KIAA1328: variants seen among roughly 807,000 people sequenced by gnomAD.
The protein encoded by KIAA1328 is KIAA1328.
In KIAA1328, 52 loss-of-function variants were observed where a neutral mutation model predicts 68.1. The ratio of observed to expected loss-of-function variants is 0.76; its 90% CI spans 0.61 to 0.96. The LOEUF (loss-of-function observed/expected upper bound fraction) is 0.96. Among genes scored for constraint, KIAA1328 ranks in the 40% least tolerant of loss-of-function variants. The pLI, the probability that KIAA1328 is intolerant of heterozygous loss-of-function variation, is 0.00. For synonymous variants in KIAA1328, 232 were observed against 239.4 expected (o/e 0.97, Z 0.28); for missense variants, 641 against 677.6 (o/e 0.95, Z 0.60).
intron 7 of KIAA1328, among the ~76,000 whole-genome samples, chr18:37,081,620 A>G (rs913557430): frequency 6.6e-6 from 1 of 152,192 alleles, no homozygotes; most frequent in African/African-American, 2.4e-5. Context: ...GTATTAGGTT[A>G]TGTTTATTCA....
At position 37,166,919 on chromosome 18, in the gene KIAA1328, A is replaced by G. The variant is rs186845344; in HGVS notation, c.1415-6054A>G. Among the ~76,000 whole-genome samples the G allele has an allele frequency of 3.3e-5, 5 of 152,348 alleles. No individual in the cohort carries two copies. In the East Asian group the frequency reaches 9.6e-4, roughly 29 times the overall value. On this transcript the variant is annotated intron_variant, in intron 8 of 9. Coordinates refer to ENST00000280020, the MANE Select transcript of KIAA1328 (RefSeq NM_020776.3). ...CCTATATAACAAGTAAAAAGATTGA[A>G]TCAGTAATCAAAACCTCCCAACAAA...
At chr18:36,918,120 C>G (rs764485588) in intron 5 of KIAA1328, among the ~76,000 whole-genome samples, 1 of 152,042 alleles carries the variant, frequency 6.6e-6, no homozygotes, top group Non-Finnish European at 1.5e-5. Flanking sequence ...TGTGTCATAT[C>G]TGTAGTAACA....
chr18:37,154,578 C>T (rs1415614014), intron 7 of KIAA1328, among the ~76,000 whole-genome samples: 1 of 152,132 alleles, frequency 6.6e-6, no homozygotes, highest in Non-Finnish European at 1.5e-5. Flanking sequence ...TCTGTGAGAT[C>T]CCAATATCCA....
chr18:37,058,631 G>A (rs973020730), intron 6 of KIAA1328, among the ~76,000 whole-genome samples: 4 of 151,998 alleles, frequency 2.6e-5, no homozygotes, highest in African/African-American at 4.8e-5. Context: ...AGAATTGCTT[G>A]AACCCAGGAG....
intron 6 of KIAA1328, among the ~76,000 whole-genome samples, chr18:36,960,260 G>T (rs1045787742): frequency 6.6e-6 from 1 of 152,218 alleles, no homozygotes; most frequent in South Asian, 2.1e-4. Context: ...AGGGGGAGGG[G>T]CGTCGACCAT....
At chr18:37,138,899 G>A (rs996175678) in intron 7 of KIAA1328, among the ~76,000 whole-genome samples, 37 of 150,764 alleles carry the variant, frequency 2.5e-4, no homozygotes, top group African/African-American at 8.3e-4. Flanking sequence ...GAGTTGGAAG[G>A]CAGAAAGATT....
At position 37,135,746 on chromosome 18, in the gene KIAA1328, A is replaced by G. The variant is rs992536995; in HGVS notation, c.1233-24454A>G. On this transcript the variant is annotated intron_variant, in intron 7 of 9. Coordinates refer to ENST00000280020, the MANE Select transcript of KIAA1328 (RefSeq NM_020776.3). ...ATTGCTTTTGAGGACTTAATCGTAA[A>G]TTATTTCCCAAGGCCGATGTCCAGA... Among the ~76,000 whole-genome samples, 7 of 152,132 alleles carry G rather than the reference A, an allele frequency of 4.6e-5. No individual in the cohort carries two copies. In the South Asian group the frequency reaches 1.4e-3, roughly 32 times the overall value.
intron 6 of KIAA1328, among the ~76,000 whole-genome samples, chr18:37,054,833 T>G (rs1186672838): frequency 6.6e-6 from 1 of 152,188 alleles, no homozygotes; most frequent in Admixed American, 6.5e-5. Context: ...ATTATGAGAT[T>G]TAGCCTTTTC....
chr18:36,833,143 A>T (rs901176149), intron 1 of KIAA1328: 1 of 152,202 alleles, frequency 6.6e-6, no homozygotes, highest in East Asian at 1.9e-4. Context: ...CACCTGGCCT[A>T]TGTTCAATGA....
chr18:36,907,222 G>C (rs1323488678), intron 5 of KIAA1328, among the ~76,000 whole-genome samples: 1 of 151,894 alleles, frequency 6.6e-6, no homozygotes, highest in Admixed American at 6.6e-5. Context: ...GAGCAATTGT[G>C]TTATCTGTAA....
intron 7 of KIAA1328, among the ~76,000 whole-genome samples, chr18:37,076,951 A>C (rs1335335392): frequency 6.6e-6 from 1 of 152,186 alleles, no homozygotes; most frequent in African/African-American, 2.4e-5. Flanking sequence ...TCCAATCAAT[A>C]GAAAAAGAAG....
intron 7 of KIAA1328, among the ~76,000 whole-genome samples, chr18:37,142,733 T>C (rs2058796273): frequency 1.3e-5 from 2 of 152,126 alleles, no homozygotes; most frequent in Admixed American, 1.3e-4. Flanking sequence ...TTATAGTAAA[T>C]CTTGAAATTA....
chr18:36,874,702 A>C (rs2048062560), intron 4 of KIAA1328, among the ~76,000 whole-genome samples: 1 of 152,056 alleles, frequency 6.6e-6, no homozygotes, highest in South Asian at 2.1e-4. Flanking sequence ...CCCATTTGTA[A>C]ATTTTGGCTT....
intron 6 of KIAA1328, among the ~76,000 whole-genome samples, chr18:36,976,189 A>G (rs1318544304): frequency 6.6e-6 from 1 of 152,184 alleles, no homozygotes; most frequent in Non-Finnish European, 1.5e-5. Context: ...ATTTTGTTTA[A>G]TATTAATAGA....
At chr18:37,102,897 C>T (rs2057664169) in intron 7 of KIAA1328, among the ~76,000 whole-genome samples, 2 of 152,066 alleles carry the variant, frequency 1.3e-5, no homozygotes, top group South Asian at 4.1e-4. Context: ...TTATAATTAA[C>T]TCATTGAAAA....
intron 6 of KIAA1328, among the ~76,000 whole-genome samples, chr18:36,989,792 T>A (rs1484885141): frequency 6.6e-6 from 1 of 152,146 alleles, no homozygotes; most frequent in Non-Finnish European, 1.5e-5. Context: ...CCCCCCGGGT[T>A]CATGCCGTTC....
At chr18:36,980,311 T>C (rs983629154) in intron 6 of KIAA1328, among the ~76,000 whole-genome samples, 3 of 152,160 alleles carry the variant, frequency 2.0e-5, no homozygotes, top group Non-Finnish European at 4.4e-5. Context: ...ACATGCACAC[T>C]TCTCATGCTG....
intron 5 of KIAA1328, among the ~76,000 whole-genome samples, chr18:36,936,642 G>C (rs1232719924): frequency 6.6e-6 from 1 of 152,144 alleles, no homozygotes; most frequent in Non-Finnish European, 1.5e-5. Flanking sequence ...TAATGGGATT[G>C]TTGGGTCAAA....
chr18:36,999,956 T>C (rs1430563326), intron 6 of KIAA1328, among the ~76,000 whole-genome samples: 1 of 151,294 alleles, frequency 6.6e-6, no homozygotes, highest in Non-Finnish European at 1.5e-5. Context: ...ACAAAGAATA[T>C]ATAAGACAAT....
Sources: gnomAD v4.1 joint callset for allele counts (sites outside exome capture counted in the v4.1 genomes callset) on GRCh38, gnomAD v4.1.1 for gene constraint, MANE v1.5 for transcripts, NCBI Gene and HGNC (gene_info 2026-07-23, HGNC 2026-07-21) for gene names.